Variants in GRIA1 observed in about 807,000 individuals in gnomAD.
GRIA1 encodes the protein glutamate ionotropic receptor AMPA type subunit 1, also known as glutamate receptor 1.
A neutral mutation model predicts 99.2 loss-of-function variants in GRIA1; 31 were observed. The observed-to-expected ratio is 0.31, with a 90% confidence interval of 0.23 to 0.42. The LOEUF (loss-of-function observed/expected upper bound fraction) is 0.42, where lower values mean the gene tolerates loss of function less well. Ranked by LOEUF, GRIA1 falls within the 10% of genes least tolerant of loss-of-function variation. The pLI, the probability that GRIA1 is intolerant of heterozygous loss-of-function variation, is 1.00. For missense variants in GRIA1, 782 were observed against 1,157.5 expected (o/e 0.68, Z 4.71); for synonymous variants, 438 against 432.4 (o/e 1.01, Z -0.16).
intron 2 of GRIA1, among the ~76,000 whole-genome samples, chr5:153,586,975 T>G (rs967941974): frequency 7.0e-4 from 106 of 152,180 alleles, no homozygotes; most frequent in African/African-American, 2.5e-3. Flanking sequence ...ATGAAGGGCT[T>G]TTTTAAGCTC....
At chr5:153,611,381 T>A (rs989533467) in intron 2 of GRIA1, among the ~76,000 whole-genome samples, 1 of 152,224 alleles carries the variant, frequency 6.6e-6, no homozygotes, top group African/African-American at 2.4e-5. Flanking sequence ...ACAATCTTCT[T>A]AGCCCCTGGG....
chr5:153,650,360 C>A lies in GRIA1; in HGVS notation c.491C>A (p.Thr164Lys). 1.2e-6 allele frequency: 2 copies of A among 1,613,916 alleles called. No homozygotes were observed. Among genetic ancestry groups the A allele is most frequent in the Non-Finnish European group, 1.7e-6 (2 of 1,179,878 alleles). The change falls in exon 4 of 16, where the codon ACA becomes AAA. Residue 164 changes from threonine to lysine, a missense_variant. By Grantham distance (78) the Thr-to-Lys change is moderately conservative. This residue lies in a region of GRIA1 where 461 missense variants were observed against 521.7 expected (regional missense o/e 0.88). Coordinates refer to ENST00000285900, the MANE Select transcript of GRIA1 (RefSeq NM_000827.4). ...TCCGTCCTGCAGAAAGTCCTGGATA[C>A]AGCTGCTGAGAAGAACTGGCAGGTG... is the stretch of plus-strand genomic sequence containing the variant. ...GLSVLQKVLD[T>K]AAEKNWQVTA...
chr5:153,673,999 G>C (rs1344302518), intron 5 of GRIA1, among the ~76,000 whole-genome samples: 1 of 152,206 alleles, frequency 6.6e-6, no homozygotes, highest in Non-Finnish European at 1.5e-5. Context: ...ACTCATAGGA[G>C]CTTGCCCAGT....
At chr5:153,536,377 C>G (rs1758573885) in intron 2 of GRIA1, among the ~76,000 whole-genome samples, 1 of 152,132 alleles carries the variant, frequency 6.6e-6, no homozygotes, top group African/African-American at 2.4e-5. Flanking sequence ...AATTAGCCTT[C>G]CCCCATTATA....
At chr5:153,575,322 C>T (rs1350325393) in intron 2 of GRIA1, among the ~76,000 whole-genome samples, 1 of 152,088 alleles carries the variant, frequency 6.6e-6, no homozygotes, top group Admixed American at 6.6e-5. Context: ...CCTTTGTGGC[C>T]TGATTTTTGG....
chr5:153,602,766 C>T lies in GRIA1; in HGVS notation c.221-44162C>T, dbSNP rs1230872492. 2.0e-5 allele frequency among the ~76,000 whole-genome samples: 3 copies of T among 151,696 alleles called. No individual in the cohort carries two copies. The East Asian group carries it at 6.0e-4, about 30-fold the overall frequency. On this transcript the variant is annotated intron_variant, in intron 2 of 15. Transcript: ENST00000285900. ...TCTACGATGGAGGAAGGGGAACAGA[C>T]TCTCTCTAGCAGTCTTTTCCAAGGC...
intron 2 of GRIA1, among the ~76,000 whole-genome samples, chr5:153,591,933 C>T (rs1764007131): frequency 6.6e-6 from 1 of 152,146 alleles, no homozygotes. Context: ...TTTAACTGTA[C>T]CCGGAAGAAA....
At chr5:153,701,619 C>CA (rs70978504) in intron 10 of GRIA1, among the ~76,000 whole-genome samples, 3,081 of 39,312 alleles carry the variant, frequency 0.078, 381 homozygotes, top group Middle Eastern at 0.11. Flanking sequence ...AGACCCGTCT[C>CA]AAAAAAAAAA....
At chr5:153,599,903 A>G (rs968982325) in intron 2 of GRIA1, among the ~76,000 whole-genome samples, 2 of 152,192 alleles carry the variant, frequency 1.3e-5, no homozygotes, top group South Asian at 2.1e-4. Flanking sequence ...GAGAAATAGC[A>G]TAAGTAAAAG....
intron 5 of GRIA1, among the ~76,000 whole-genome samples, chr5:153,673,788 G>A (rs985845322): frequency 6.6e-6 from 1 of 152,198 alleles, no homozygotes; most frequent in Non-Finnish European, 1.5e-5. Flanking sequence ...TACAGTCGAA[G>A]CCTTCTTGAG....
intron 4 of GRIA1, among the ~76,000 whole-genome samples, 187 bp downstream of exon 4, chr5:153,650,701 G>A (rs552539195): frequency 6.6e-6 from 1 of 151,940 alleles, no homozygotes; most frequent in African/African-American, 2.4e-5. Context: ...AACAATGGGA[G>A]CCTTGACATA....
rs1250326647 is a variant in GRIA1 at position 153,778,686 on chromosome 5, CAT to C, written c.2270+8273_2270+8274del. Among the ~76,000 whole-genome samples, 604 of 149,166 alleles carry C rather than the reference CAT, an allele frequency of 4.0e-3. 6 individuals carry two copies. The highest frequency in any genetic ancestry group is 0.014 in the Middle Eastern group (4 of 294). On this transcript the variant is annotated intron_variant, in intron 13 of 15. Transcript: ENST00000285900. ...ACACACACACACACACACACACACA[CAT>C]ACACGCACACACACAAATAGCATTG... is the stretch of plus-strand genomic sequence containing the variant.
At chr5:153,800,567 G>T (rs1257431736) in intron 14 of GRIA1, among the ~76,000 whole-genome samples, 1 of 152,230 alleles carries the variant, frequency 6.6e-6, no homozygotes, top group Non-Finnish European at 1.5e-5. Context: ...GCCAGGCTAT[G>T]CCTTGCCAAG....
chr5:153,728,321 A>G (rs375480464), intron 11 of GRIA1, among the ~76,000 whole-genome samples: 241 of 150,106 alleles, frequency 1.6e-3, no homozygotes, highest in African/African-American at 5.4e-3. Flanking sequence ...ACATAGGCAT[A>G]GGCAAGGACT....
At chr5:153,503,455 A>G (rs1755201405) in intron 2 of GRIA1, among the ~76,000 whole-genome samples, 1 of 152,230 alleles carries the variant, frequency 6.6e-6, no homozygotes, top group African/African-American at 2.4e-5. Context: ...CAAACATGCT[A>G]GGCAAACGCA....
intron 2 of GRIA1, chr5:153,573,329 G>T (rs1397640421): frequency 1.3e-5 from 2 of 152,102 alleles, no homozygotes; most frequent in Non-Finnish European, 2.9e-5. Context: ...TCTTTCTAGT[G>T]ATATATATCA....
chr5:153,733,126 T>TTA (rs1379080502), intron 11 of GRIA1, among the ~76,000 whole-genome samples: 9 of 152,012 alleles, frequency 5.9e-5, no homozygotes, highest in African/African-American at 1.9e-4. Context: ...TATTGGTTTG[T>TTA]TATATATATG....
At chr5:153,564,553 C>T (rs530338156) in intron 2 of GRIA1, among the ~76,000 whole-genome samples, 1 of 152,254 alleles carries the variant, frequency 6.6e-6, no homozygotes, top group East Asian at 1.9e-4. Context: ...CTGAAATCAT[C>T]TAAAGACTTA....
chr5:153,593,490 A>G (rs545526243), intron 2 of GRIA1, among the ~76,000 whole-genome samples: 1 of 152,180 alleles, frequency 6.6e-6, no homozygotes, highest in Non-Finnish European at 1.5e-5. Flanking sequence ...TTACGTTATG[A>G]TGACTAAATA....
Sources: allele counts gnomAD v4.1 joint callset (sites outside exome capture counted in the v4.1 genomes callset), GRCh38; gene constraint gnomAD v4.1.1; regional missense constraint gnomAD v4.1.1; transcripts MANE v1.5; gene names NCBI Gene and HGNC (gene_info 2026-07-23, HGNC 2026-07-21).